CDH7: variants seen among roughly 807,000 people sequenced by gnomAD.
The protein encoded by CDH7 is cadherin 7.
CDH7 carries 25 observed loss-of-function variants against 71.8 expected under a neutral mutation model. The ratio of observed to expected loss-of-function variants is 0.35; its 90% CI spans 0.25 to 0.49. The LOEUF (loss-of-function observed/expected upper bound fraction) is 0.49, where lower values mean the gene tolerates loss of function less well. Ranked by LOEUF, CDH7 falls within the 20% of genes least tolerant of loss-of-function variation. CDH7 has a pLI of 0.99. For synonymous variants in CDH7, 381 were observed against 363.8 expected, an observed-to-expected ratio of 1.05 and a Z score of -0.54; for missense variants, 862 against 974.6, an observed-to-expected ratio of 0.88 and a Z score of 1.54.
intron 11 of CDH7, among the ~76,000 whole-genome samples, chr18:65,874,419 A>G (rs548606943): frequency 6.6e-6 from 1 of 152,126 alleles, no homozygotes; most frequent in Admixed American, 6.5e-5. Flanking sequence ...AAGTAGCCTT[A>G]GAAAGCCAAA....
chr18:65,877,303 A>G (rs1914100337), intron 11 of CDH7, among the ~76,000 whole-genome samples: 1 of 152,228 alleles, frequency 6.6e-6, no homozygotes, highest in Non-Finnish European at 1.5e-5. Context: ...GGCACTGTAG[A>G]GTTTTACTTT....
intron 2 of CDH7, among the ~76,000 whole-genome samples, chr18:65,792,645 G>A (rs1910755507): frequency 6.6e-6 from 1 of 151,626 alleles, no homozygotes; most frequent in Non-Finnish European, 1.5e-5. Flanking sequence ...GCATTCTAAT[G>A]TTGTAGCACT....
chr18:65,852,689 C>T (rs992114364), intron 7 of CDH7, among the ~76,000 whole-genome samples: 2 of 152,012 alleles, frequency 1.3e-5, no homozygotes, highest in Admixed American at 1.3e-4. Flanking sequence ...ATCACATCTA[C>T]AAGGGAGGCT....
chr18:65,793,375 A>C (rs183430704), intron 2 of CDH7, among the ~76,000 whole-genome samples: 44 of 151,066 alleles, frequency 2.9e-4, no homozygotes, highest in Non-Finnish European at 5.3e-4. Flanking sequence ...GGAGTCTTGT[A>C]GTGCCACTGT....
At chr18:65,880,000 T>C (rs571410746) in intron 11 of CDH7, among the ~76,000 whole-genome samples, 11 of 152,208 alleles carry the variant, frequency 7.2e-5, no homozygotes, top group African/African-American at 2.7e-4. Flanking sequence ...AGTTGTTAAA[T>C]TAGACACAAA....
At position 65,889,662 on chromosome 18, in the gene CDH7, C is replaced by G. The variant is rs79429401; in HGVS notation, c.*8768C>G. On this transcript the variant is annotated 3_prime_UTR_variant, in exon 12 of 12. Transcript: ENST00000397968. ...AAAAGATGATCTATGATGGTGTATA[C>G]TTGCAAAATAACTAAAGAGTGTATT... The G allele has an allele frequency of 0.064, 9,767 of 152,158 alleles. 449 individuals carry two copies. The highest frequency in any genetic ancestry group is 0.14 in the South Asian group (689 of 4,816). 9.4% of individuals were successfully genotyped at this position (152,158 alleles called of 1,614,324 possible).
intron 11 of CDH7, chr18:65,866,357 C>A: frequency 6.2e-5 from 7 of 113,304 alleles, no homozygotes; most frequent in Non-Finnish European, 1.1e-4. Context: ...AAGAATGAAA[C>A]TATAGAAGTA....
chr18:65,879,621 C>T (rs1186486161), intron 11 of CDH7, among the ~76,000 whole-genome samples: 5 of 152,124 alleles, frequency 3.3e-5, no homozygotes, highest in Admixed American at 6.5e-5. Flanking sequence ...GTTTAAGTCC[C>T]CCAAATAACC....
chr18:65,884,477 T>C lies in CDH7; in HGVS notation c.*3583T>C, dbSNP rs1163136375. Reference sequence around the variant, plus strand: ...GCAGGAGGTAGTAGTGGTTAAGTAATGGTAGCTGCCTTTTCACTCTGCCCT... The same window carrying C: ...GCAGGAGGTAGTAGTGGTTAAGTAACGGTAGCTGCCTTTTCACTCTGCCCT... On this transcript the variant is annotated 3_prime_UTR_variant, in exon 12 of 12. Coordinates refer to ENST00000397968, the MANE Select transcript of CDH7 (RefSeq NM_004361.5). 6.6e-6 allele frequency: 1 copy of C among 152,138 alleles called. No homozygotes were observed. The highest frequency in any genetic ancestry group is 1.9e-4 in the East Asian group (1 of 5,184). 9.4% of individuals were successfully genotyped at this position (152,138 alleles called of 1,614,324 possible).
At chr18:65,773,167 C>T (rs1159906879) in intron 2 of CDH7, among the ~76,000 whole-genome samples, 2 of 152,114 alleles carry the variant, frequency 1.3e-5, no homozygotes, top group Non-Finnish European at 2.9e-5. Flanking sequence ...AACAGTCATA[C>T]AACAGCTCTT....
intron 2 of CDH7, chr18:65,803,740 A>C (rs1235262152): frequency 6.6e-6 from 1 of 152,034 alleles, no homozygotes; most frequent in Non-Finnish European, 1.5e-5. Context: ...TCTACCTTCT[A>C]TACTTAAAAT....
chr18:65,778,607 G>A (rs1003775059), intron 2 of CDH7, among the ~76,000 whole-genome samples: 2 of 144,390 alleles, frequency 1.4e-5, no homozygotes, highest in Admixed American at 7.0e-5. Context: ...ATATACAAAG[G>A]GTAATTTTAT....
intron 2 of CDH7, among the ~76,000 whole-genome samples, chr18:65,777,860 A>G (rs1910007679): frequency 6.6e-6 from 1 of 152,172 alleles, no homozygotes; most frequent in Admixed American, 6.5e-5. Flanking sequence ...AAGTGTTATC[A>G]GCCATTTAGC....
chr18:65,762,964 G>A lies in CDH7; in HGVS notation c.122G>A (p.Gly41Glu). ...AGATCAAAGCCCTATTTCCAATCAG[G>A]GAGGTCCCGGACCAAGCGCAGCTGG... is the stretch of plus-strand genomic sequence containing the variant. ...RSRSKPYFQS[G>E]RSRTKRSWVW... is the part of the protein sequence containing the mutation. Residue 41 changes from glycine to glutamate, a missense_variant, in exon 2 of 12, where the codon GGG becomes GAG. Gly to Glu is a moderately conservative substitution (Grantham distance 98). Coordinates refer to ENST00000397968, the MANE Select transcript of CDH7 (RefSeq NM_004361.5). 1.2e-6 allele frequency: 2 copies of A among 1,613,694 alleles called. No individual in the cohort carries two copies. Among genetic ancestry groups the A allele is most frequent in the Non-Finnish European group, 1.7e-6 (2 of 1,179,834 alleles).
At chr18:65,774,181 C>A (rs947875386) in intron 2 of CDH7, among the ~76,000 whole-genome samples, 3 of 151,288 alleles carry the variant, frequency 2.0e-5, no homozygotes, top group Non-Finnish European at 4.4e-5. Flanking sequence ...AAGCCATGAT[C>A]TTATTATTAT....
At chr18:65,781,494 A>T (rs1483682944) in intron 2 of CDH7, among the ~76,000 whole-genome samples, 5 of 152,188 alleles carry the variant, frequency 3.3e-5, no homozygotes, top group Admixed American at 6.5e-5. Context: ...AATATTTTGT[A>T]TACTTGAATG....
intron 5 of CDH7, 34 bp from the exon 6 acceptor site, chr18:65,824,610 G>A (rs376272105): frequency 4.7e-5 from 67 of 1,431,226 alleles, no homozygotes; most frequent in Non-Finnish European, 5.9e-5. Flanking sequence ...TTAGTTTGGT[G>A]TAACGTGTTC....
At chr18:65,792,801 CA>C in intron 2 of CDH7, among the ~76,000 whole-genome samples, 1 of 152,268 alleles carries the variant, frequency 6.6e-6, no homozygotes, top group African/African-American at 2.4e-5. Context: ...CCAATTTCCA[CA>C]AAATACCCAA....
intron 9 of CDH7, 135 bp from the exon 10 acceptor site, chr18:65,859,573 T>G (rs553578419): frequency 1.7e-6 from 1 of 602,276 alleles, no homozygotes; most frequent in Non-Finnish European, 3.0e-6. Context: ...TTCATAATAA[T>G]ACATCGGATC....
Sources: allele counts gnomAD v4.1 joint callset (sites outside exome capture counted in the v4.1 genomes callset), GRCh38; gene constraint gnomAD v4.1.1; transcripts MANE v1.5; gene names NCBI Gene and HGNC (gene_info 2026-07-23, HGNC 2026-07-21).